TMX4: variants seen among roughly 807,000 people sequenced by gnomAD.
TMX4 encodes the protein thioredoxin related transmembrane protein 4.
A neutral mutation model predicts 33.3 loss-of-function variants in TMX4; 23 were observed. That is an observed-to-expected ratio of 0.69 (90% CI 0.50 to 0.98). The LOEUF (loss-of-function observed/expected upper bound fraction) is 0.98, where lower values mean the gene tolerates loss of function less well. TMX4 is among the 50% of genes least tolerant of loss of function. The pLI, the probability that TMX4 is intolerant of heterozygous loss-of-function variation, is 0.00. For synonymous variants in TMX4, 164 were observed against 161.5 expected, an observed-to-expected ratio of 1.02 and a Z score of -0.12; for missense variants, 399 against 448.9, an observed-to-expected ratio of 0.89 and a Z score of 1.01.
At chr20:7,993,788 C>A (rs1209801758) in intron 5 of TMX4, among the ~76,000 whole-genome samples, 1 of 151,982 alleles carries the variant, frequency 6.6e-6, no homozygotes, top group Non-Finnish European at 1.5e-5. Flanking sequence ...AATGCACACA[C>A]ACACACACAC....
intron 6 of TMX4, among the ~76,000 whole-genome samples, chr20:7,984,363 C>T (rs2050621462): frequency 6.6e-6 from 1 of 152,166 alleles, no homozygotes; most frequent in South Asian, 2.1e-4. Flanking sequence ...CTAAGCTAAA[C>T]TAAGTTGGAT....
At chr20:8,010,162 G>T (rs369763566) in intron 2 of TMX4, 38 bp downstream of exon 2, 11 of 1,518,302 alleles carry the variant, frequency 7.2e-6, no homozygotes, top group Admixed American at 3.6e-5. Flanking sequence ...ATAAAAAGTC[G>T]GTAAACTTTT....
chr20:8,012,569 G>A (rs1485246328), intron 1 of TMX4, among the ~76,000 whole-genome samples: 1 of 152,048 alleles, frequency 6.6e-6, no homozygotes, highest in Non-Finnish European at 1.5e-5. Context: ...GAAGTTATAA[G>A]AAAGTAACAA....
chr20:8,017,745 C>G (rs1157462158), intron 1 of TMX4, among the ~76,000 whole-genome samples: 1 of 152,194 alleles, frequency 6.6e-6, no homozygotes, highest in African/African-American at 2.4e-5. Context: ...TGACAAAATG[C>G]AGTTTATCCC....
At chr20:7,985,257 GTATA>G (rs200269653) in intron 6 of TMX4, among the ~76,000 whole-genome samples, 21 of 130,802 alleles carry the variant, frequency 1.6e-4, no homozygotes, top group African/African-American at 3.7e-4. Context: ...GTGTGTGTGT[GTATA>G]TATATATATA....
chr20:8,005,549 T>C (rs1330267756), intron 2 of TMX4, among the ~76,000 whole-genome samples: 2 of 152,218 alleles, frequency 1.3e-5, no homozygotes, highest in Non-Finnish European at 2.9e-5. Flanking sequence ...CAGGCATTTC[T>C]GTTTTTGTGC....
At position 7,982,186 on chromosome 20, in the gene TMX4, A is replaced by T; in HGVS notation, c.*65T>A. On this transcript the variant is annotated 3_prime_UTR_variant, in exon 8 of 8. Transcript: ENST00000246024. ...AGGAAAAATTAAGGATTTGGTACAAACTGCAGGCCAAAGGGAAGCTGACAT... is the reference window on the plus strand; with the variant it reads ...AGGAAAAATTAAGGATTTGGTACAATCTGCAGGCCAAAGGGAAGCTGACAT... The T allele has an allele frequency of 6.6e-7, 1 of 1,509,256 alleles. No individual in the cohort carries two copies. 93.5% of individuals were successfully genotyped at this position (1,509,256 alleles called of 1,614,324 possible).
chr20:8,007,177 G>A (rs2050734560), intron 2 of TMX4, among the ~76,000 whole-genome samples: 1 of 152,038 alleles, frequency 6.6e-6, no homozygotes, highest in African/African-American at 2.4e-5. Context: ...GTATATTGAT[G>A]GTCCTCAAAC....
intron 1 of TMX4, among the ~76,000 whole-genome samples, chr20:8,017,592 A>C (rs1254313921): frequency 6.6e-6 from 1 of 152,228 alleles, no homozygotes; most frequent in Non-Finnish European, 1.5e-5. Context: ...AGAGGAGTTG[A>C]AGTCATTAAA....
intron 5 of TMX4, among the ~76,000 whole-genome samples, chr20:7,988,239 G>A (rs1359098649): frequency 6.6e-6 from 1 of 152,114 alleles, no homozygotes; most frequent in Non-Finnish European, 1.5e-5. Context: ...GTAACTACTG[G>A]ACACAGGATG....
intron 1 of TMX4, among the ~76,000 whole-genome samples, chr20:8,011,743 GCA>G (rs1324528524): frequency 6.6e-6 from 1 of 152,048 alleles, no homozygotes; most frequent in Non-Finnish European, 1.5e-5. Context: ...GACTTAGCAA[GCA>G]CAGTTGTTCA....
At chr20:7,991,399 T>C (rs1398172763) in intron 5 of TMX4, among the ~76,000 whole-genome samples, 1 of 152,216 alleles carries the variant, frequency 6.6e-6, no homozygotes, top group African/African-American at 2.4e-5. Context: ...TTCCAAATGC[T>C]TGGGACCAGA....
At chr20:8,017,474 A>G (rs999503755) in intron 1 of TMX4, among the ~76,000 whole-genome samples, 4 of 152,250 alleles carry the variant, frequency 2.6e-5, no homozygotes, top group Admixed American at 6.5e-5. Flanking sequence ...AATTTGAACC[A>G]TCAACATGGC....
Position 7,985,277 on chromosome 20 carries a change from A to ATT in TMX4, c.616-1422_616-1421dup, listed in dbSNP as rs1214396295. On this transcript the variant is annotated intron_variant, in intron 6 of 7. Coordinates refer to ENST00000246024, the MANE Select transcript of TMX4 (RefSeq NM_021156.4). The stretch of plus-strand genomic sequence containing the variant: ...TGTGTGTATATATATATATATATAT[A>ATT]TTTTTTTTTTTTTTGAGACAGGGTC... Among the ~76,000 whole-genome samples, 176 of 110,516 alleles carry ATT rather than the reference A, an allele frequency of 1.6e-3. 1 individual carries two copies. Among genetic ancestry groups the ATT allele is most frequent in the Middle Eastern group, 4.6e-3 (1 of 218 alleles). The allele number at this position is 110,516 out of a possible 152,430, so 72.5% of individuals were successfully genotyped here.
intron 5 of TMX4, among the ~76,000 whole-genome samples, chr20:7,989,764 T>C (rs2050646324): frequency 6.6e-6 from 1 of 152,242 alleles, no homozygotes; most frequent in African/African-American, 2.4e-5. Context: ...TTTTGCTTTA[T>C]ATATGTTTCC....
chr20:8,012,632 CTT>C (rs78628477), intron 1 of TMX4, among the ~76,000 whole-genome samples: 10,877 of 152,148 alleles, frequency 0.071, 1,002 homozygotes, highest in East Asian at 0.53. Flanking sequence ...TTCAGATCCT[CTT>C]TATTTCCCTA....
intron 5 of TMX4, among the ~76,000 whole-genome samples, chr20:7,989,981 A>G (rs967967798): frequency 6.6e-6 from 1 of 152,144 alleles, no homozygotes; most frequent in Non-Finnish European, 1.5e-5. Context: ...ACCTTATACT[A>G]TGGTACTAGA....
intron 5 of TMX4, among the ~76,000 whole-genome samples, chr20:7,990,840 T>A (rs1470253860): frequency 2.6e-5 from 4 of 152,182 alleles, no homozygotes; most frequent in African/African-American, 4.8e-5. Context: ...TGGCCAAGGG[T>A]TCACCTCTTT....
intron 3 of TMX4, among the ~76,000 whole-genome samples, chr20:8,000,550 A>G (rs1410204514): frequency 6.6e-6 from 1 of 152,118 alleles, no homozygotes; most frequent in Non-Finnish European, 1.5e-5. Flanking sequence ...CTTTTATGAC[A>G]GGAGCTCTCT....
Sources: allele counts gnomAD v4.1 joint callset (sites outside exome capture counted in the v4.1 genomes callset), GRCh38; gene constraint gnomAD v4.1.1; transcripts MANE v1.5; gene names NCBI Gene and HGNC (gene_info 2026-07-23, HGNC 2026-07-21).